ZNF813: variants seen among roughly 807,000 people sequenced by gnomAD.
ZNF813 encodes the protein zinc finger protein 813.
ZNF813 carries 3 observed loss-of-function variants against 7.2 expected under a neutral mutation model. The ratio of observed to expected loss-of-function variants is 0.42; its 90% CI spans 0.19 to 1.08. The LOEUF (loss-of-function observed/expected upper bound fraction) is 1.08. Ranked by LOEUF, ZNF813 falls within the 50% of genes least tolerant of loss-of-function variation. The pLI, the probability that ZNF813 is intolerant of heterozygous loss-of-function variation, is 0.30. For missense variants in ZNF813, 714 were observed against 753.3 expected (o/e 0.95, Z 0.61); for synonymous variants, 227 against 256.3 (o/e 0.89, Z 1.09).
At chr19:53,488,157 T>C in intron 3 of ZNF813, 1 of 424,362 alleles carries the variant, frequency 2.4e-6, no homozygotes, top group East Asian at 7.7e-5. Flanking sequence ...CCCGAGTAGC[T>C]GGGATTACAG....
rs1287035802 is a variant in ZNF813, at chr19:53,491,751, A to C, written c.1519A>C (p.Lys507Gln). ...TGAATGTGGCAAGGGTTTTAATCGG[A>C]AAACACACCTTGCATGTCATCATAG... ...CNECGKGFNR[K>Q]THLACHHRLH... The change falls in exon 4 of 4, where the codon AAA becomes CAA. Residue 507 changes from lysine to glutamine, a missense_variant. Coordinates refer to ENST00000396403, the MANE Select transcript of ZNF813 (RefSeq NM_001004301.4). The C allele has an allele frequency of 1.3e-5, 21 of 1,572,520 alleles. No individual in the cohort carries two copies. Among genetic ancestry groups the C allele is most frequent in the Non-Finnish European group, 1.7e-5 (20 of 1,149,264 alleles).
At position 53,492,691 on chromosome 19, in the gene ZNF813, A is replaced by G; in HGVS notation, c.*605A>G. The stretch of plus-strand genomic sequence containing the variant: ...ACCATTGCAAATCATTGGAGAACCC[A>G]TAAGGAAGAGAGATCATACAAGTGT... On this transcript the variant is annotated 3_prime_UTR_variant, in exon 4 of 4. Transcript: ENST00000396403. The G allele has an allele frequency of 1.3e-6, 1 of 773,746 alleles. No individual in the cohort carries two copies. Among genetic ancestry groups the G allele is most frequent in the Admixed American group, 1.9e-5 (1 of 51,792 alleles). The allele number at this position is 773,746 out of a possible 1,614,324, so 47.9% of individuals were successfully genotyped here.
At chr19:53,473,305 G>T (rs887776643) in intron 1 of ZNF813, among the ~76,000 whole-genome samples, 1 of 152,082 alleles carries the variant, frequency 6.6e-6, no homozygotes, top group East Asian at 1.9e-4. Context: ...GTCCCCTCCA[G>T]CTTCAGCTGT....
Position 53,491,486 on chromosome 19 carries a change from G to C in ZNF813, c.1254G>C (p.Lys418Asn). The C allele has an allele frequency of 3.1e-6, 5 of 1,614,108 alleles. No homozygotes were observed. The highest frequency in any genetic ancestry group is 3.4e-6 in the Non-Finnish European group (4 of 1,179,974). The change falls in exon 4 of 4, where the codon AAG (lysine) becomes AAC (asparagine). Residue 418 changes from lysine (K) to asparagine (N), a missense_variant. Physicochemically the swap from Lys to Asn is moderately conservative, Grantham distance 94. This residue lies in a region of ZNF813 where 563 missense variants were observed against 554.2 expected (regional missense o/e 1.02). Transcript: ENST00000396403. ...EKPYKCNECG[K>N]VFNKKANLAR... The stretch of plus-strand genomic sequence containing the variant: ...CTTACAAGTGTAATGAATGTGGCAA[G>C]GTTTTTAATAAAAAGGCAAACCTTG...
At chr19:53,468,219 G>GCCCCCCCCCCCCCCC (rs34920971) in intron 1 of ZNF813, among the ~76,000 whole-genome samples, 10 of 52,916 alleles carry the variant, frequency 1.9e-4, no homozygotes, top group Non-Finnish European at 1.9e-4. Flanking sequence ...GCGCCCTCGC[G>GCCCCCCCCCCCCCCC]CCCCCCCCCC....
At chr19:53,479,224 C>T in intron 1 of ZNF813, 1 of 937,322 alleles carries the variant, frequency 1.1e-6, no homozygotes, top group Non-Finnish European at 1.6e-6. Flanking sequence ...TGTGAGCAAC[C>T]ACGCCCAGCT....
At chr19:53,471,744 G>A (rs2617697) in intron 1 of ZNF813, among the ~76,000 whole-genome samples, 71,712 of 148,700 alleles carry the variant, frequency 0.48, 17,422 homozygotes, top group African/African-American at 0.53. Context: ...CTTGGGAGGC[G>A]GAGCTTGCAG....
intron 3 of ZNF813, among the ~76,000 whole-genome samples, chr19:53,487,947 GA>G (rs1289486936): frequency 4.0e-5 from 6 of 151,820 alleles, no homozygotes; most frequent in East Asian, 3.9e-4. Flanking sequence ...TTAAATAATA[GA>G]AAAAAAGTTG....
intron 2 of ZNF813, among the ~76,000 whole-genome samples, chr19:53,484,181 A>G (rs1219020690): frequency 2.6e-5 from 4 of 152,172 alleles, no homozygotes; most frequent in African/African-American, 9.6e-5. Context: ...GACTAGGATT[A>G]GAGCAGCTGC....
At position 53,492,477 on chromosome 19, in the gene ZNF813, A is replaced by G; in HGVS notation, c.*391A>G. 1 of 430,174 alleles carries G rather than the reference A, an allele frequency of 2.3e-6. No individual in the cohort carries two copies. The highest frequency in any genetic ancestry group is 3.1e-5 in the Admixed American group (1 of 32,020). 26.6% of individuals were successfully genotyped at this position (430,174 alleles called of 1,614,324 possible). A position where few individuals can be genotyped will look rare whatever the true frequency, so the allele number is the denominator to read the frequency against. On this transcript the variant is annotated 3_prime_UTR_variant, in exon 4 of 4. Transcript: ENST00000396403. ...AACCATAAAATTGTAAGAGTTCGTG[A>G]CAAGGCTTTCGGGCATGACTCACAC...
intron 2 of ZNF813, among the ~76,000 whole-genome samples, chr19:53,484,946 C>A (rs2086425289): frequency 6.6e-6 from 1 of 152,194 alleles, no homozygotes; most frequent in Non-Finnish European, 1.5e-5. Context: ...AAACTCCAAG[C>A]AAAGCTGCAG....
intron 1 of ZNF813, among the ~76,000 whole-genome samples, chr19:53,477,694 A>T (rs2086388427): frequency 6.6e-6 from 1 of 151,952 alleles, no homozygotes; most frequent in Non-Finnish European, 1.5e-5. Context: ...GATGGTGCAC[A>T]CCTGTACTCC....
intron 1 of ZNF813, among the ~76,000 whole-genome samples, chr19:53,468,586 C>T (rs1199098965): frequency 6.6e-6 from 1 of 152,042 alleles, no homozygotes; most frequent in Non-Finnish European, 1.5e-5. Flanking sequence ...AGCAAGAAAA[C>T]ATGTGAGCAA....
Position 53,491,511 on chromosome 19 carries a change from G to A in ZNF813, c.1279G>A (p.Ala427Thr), listed in dbSNP as rs1461336044. ...GGTTTTTAATAAAAAGGCAAACCTT[G>A]CACGTCATCATAGACTTCATAGTGG... The part of the protein sequence containing the change: ...GKVFNKKANL[A>T]RHHRLHSGEK... The change falls in exon 4 of 4, where the codon GCA becomes ACA. Residue 427 changes from alanine (A) to threonine (T), a missense_variant. Ala to Thr is a moderately conservative substitution (Grantham distance 58). Transcript: ENST00000396403. 6.2e-6 allele frequency: 10 copies of A among 1,613,786 alleles called. No individual in the cohort carries two copies. The Admixed American group carries it at 1.5e-4, about 24-fold the overall frequency.
chr19:53,480,625 G>T (rs929138374), intron 1 of ZNF813, among the ~76,000 whole-genome samples: 12 of 152,258 alleles, frequency 7.9e-5, no homozygotes, highest in African/African-American at 2.9e-4. Context: ...GATTATTTCA[G>T]TGCCTACCTG....
chr19:53,472,901 C>G (rs962232358), intron 1 of ZNF813, among the ~76,000 whole-genome samples: 5 of 152,090 alleles, frequency 3.3e-5, no homozygotes, highest in African/African-American at 1.2e-4. Context: ...CATGAGTGAC[C>G]ACACCTGGCC....
intron 1 of ZNF813, among the ~76,000 whole-genome samples, chr19:53,477,111 G>A (rs1439805471): frequency 6.6e-6 from 1 of 152,182 alleles, no homozygotes; most frequent in African/African-American, 2.4e-5. Context: ...AAACTAGGTA[G>A]CACTTGCTGG....
rs2086487275 is a variant in ZNF813 at position 53,496,241 on chromosome 19, A to G, written c.*4155A>G. The G allele has an allele frequency of 6.5e-6, 1 of 153,452 alleles. No homozygotes were observed. The highest frequency in any genetic ancestry group is 6.5e-5 in the Admixed American group (1 of 15,324). The allele number at this position is 153,452 out of a possible 1,614,324, so 9.5% of individuals were successfully genotyped here. On this transcript the variant is annotated 3_prime_UTR_variant, in exon 4 of 4. Coordinates refer to ENST00000396403, the MANE Select transcript of ZNF813 (RefSeq NM_001004301.4). ...GAGACTTTTCATTTCAAAATAAAAA[A>G]GGCAAATGATGTAATTGCATAGAGT...
In ZNF813 at chr19:53,492,239, TCAA is replaced by T. The variant is rs974774865; in HGVS notation, c.*157_*159del. The T allele has an allele frequency of 9.8e-6, 11 of 1,125,000 alleles. No homozygotes were observed. The highest frequency in any genetic ancestry group is 9.7e-5 in the East Asian group (4 of 41,148). 69.7% of individuals were successfully genotyped at this position (1,125,000 alleles called of 1,614,324 possible). A position where few individuals can be genotyped will look rare whatever the true frequency, so the allele number is the denominator to read the frequency against. ...GTAATGAACGTTGCAAAATTTTTAA[TCAA>T]CAAGCACACCTTCCACGTCATCATA... On this transcript the variant is annotated 3_prime_UTR_variant, in exon 4 of 4. Transcript: ENST00000396403.
Sources: gnomAD v4.1 joint callset for allele counts (sites outside exome capture counted in the v4.1 genomes callset) on GRCh38, gnomAD v4.1.1 for gene constraint, gnomAD v4.1.1 regional missense constraint, MANE v1.5 for transcripts, NCBI Gene and HGNC (gene_info 2026-07-23, HGNC 2026-07-21) for gene names.